BCAS3: variants seen among roughly 807,000 people sequenced by gnomAD.
The protein encoded by BCAS3 is BCAS3 microtubule associated cell migration factor.
BCAS3 carries 53 observed loss-of-function variants against 116.1 expected under a neutral mutation model. That is an observed-to-expected ratio of 0.46 (90% CI 0.37 to 0.57). The LOEUF is 0.57. Ranked by LOEUF, BCAS3 falls within the 20% of genes least tolerant of loss-of-function variation. The pLI is 0.00. For synonymous variants in BCAS3, 391 were observed against 408.2 expected (o/e 0.96, Z 0.51); for missense variants, 917 against 1,165.4 (o/e 0.79, Z 3.10).
chr17:60,890,224 C>A (rs966757803), intron 10 of BCAS3, among the ~76,000 whole-genome samples: 8 of 152,238 alleles, frequency 5.3e-5, no homozygotes, highest in Admixed American at 2.6e-4. Context: ...GAGGCTGAGG[C>A]AGGTGGATCA....
In BCAS3 at chr17:60,713,633, A is replaced by G. The variant is rs1416722835; in HGVS notation, c.321+4308A>G. ...ACAATGCAGTATAACAATTATTTAC[A>G]TAGCATTTACATTGTACTAGGTATT... On this transcript the variant is annotated intron_variant, in intron 5 of 23. Coordinates refer to ENST00000407086, the MANE Select transcript of BCAS3 (RefSeq NM_017679.5). Among the ~76,000 whole-genome samples, 5 of 152,208 alleles carry G rather than the reference A, an allele frequency of 3.3e-5. No individual in the cohort carries two copies. In the South Asian group the frequency reaches 8.3e-4, roughly 25 times the overall value.
chr17:60,777,031 A>AC (rs1491071030), intron 6 of BCAS3, among the ~76,000 whole-genome samples: 1 of 151,058 alleles, frequency 6.6e-6, no homozygotes, highest in Non-Finnish European at 1.5e-5. Flanking sequence ...AAAAAAAAAA[A>AC]ACAAATGAAG....
chr17:61,215,730 C>T lies in BCAS3; in HGVS notation c.2425+131166C>T, dbSNP rs1370366661. On this transcript the variant is annotated intron_variant, in intron 22 of 23. Transcript: ENST00000407086. This position sits in a 1 kb window ranked among gnomAD's most constrained non-coding sequence, Gnocchi z 4.8. ...AACCCCTCAGTTCTTGATATCCAGG[C>T]TCCATTAAATGTGAACACTAACGTC... Among the ~76,000 whole-genome samples the T allele has an allele frequency of 1.3e-5, 2 of 152,208 alleles. No individual in the cohort carries two copies. Among genetic ancestry groups the T allele is most frequent in the African/African-American group, 4.8e-5 (2 of 41,460 alleles).
In BCAS3 at chr17:61,198,403, G is replaced by A. The variant is rs2080625747; in HGVS notation, c.2425+113839G>A. On this transcript the variant is annotated intron_variant, in intron 22 of 23. Coordinates refer to ENST00000407086, the MANE Select transcript of BCAS3 (RefSeq NM_017679.5). The surrounding 1 kb of genome is among the most constrained non-coding windows in gnomAD (Gnocchi z 5.0). ...GATCCACCCGCCTCGGACTCCCAAA[G>A]TGCTGGGATTACAGGCCTGAGCCAC... 6.6e-6 allele frequency among the ~76,000 whole-genome samples: 1 copy of A among 152,152 alleles called. No homozygotes were observed. Among genetic ancestry groups the A allele is most frequent in the Non-Finnish European group, 1.5e-5 (1 of 68,038 alleles).
At position 60,902,652 on chromosome 17, in the gene BCAS3, C is replaced by T. The variant is rs751415399; in HGVS notation, c.771C>T (p.Ala257=). 4 of 1,613,090 alleles carry T rather than the reference C, an allele frequency of 2.5e-6. No homozygotes were observed. Among genetic ancestry groups the T allele is most frequent in the Admixed American group, 1.7e-5 (1 of 59,998 alleles). ...GATGTCATCAGTCCCGTGGTGGAGC[C>T]TGTGGAGACAACATTCAGTCTTATA... ...LIRCHQSRGG[A]CGDNIQSYTA... The change falls in exon 11 of 24, where the codon GCC becomes GCT. Residue 257 remains alanine, a synonymous_variant. Coordinates refer to ENST00000407086, the MANE Select transcript of BCAS3 (RefSeq NM_017679.5).
intron 14 of BCAS3, among the ~76,000 whole-genome samples, chr17:60,963,694 C>T (rs1362779217): frequency 6.6e-6 from 1 of 151,638 alleles, no homozygotes; most frequent in Non-Finnish European, 1.5e-5. Context: ...TAGCTGGGAC[C>T]ACAGGCGCCT....
At chr17:60,783,145 T>G (rs2045974846) in intron 6 of BCAS3, among the ~76,000 whole-genome samples, 1 of 152,208 alleles carries the variant, frequency 6.6e-6, no homozygotes, top group Admixed American at 6.5e-5. Context: ...CTATGGACTT[T>G]GGGTGATGAT....
At chr17:61,048,186 G>C (rs2143158332) in intron 19 of BCAS3, among the ~76,000 whole-genome samples, 1 of 152,054 alleles carries the variant, frequency 6.6e-6, no homozygotes, top group East Asian at 1.9e-4. Flanking sequence ...TGTTCTCTCA[G>C]TTTCATTGAC....
intron 22 of BCAS3, among the ~76,000 whole-genome samples, chr17:61,345,950 C>T (rs536470785): frequency 6.6e-5 from 10 of 152,252 alleles, no homozygotes; most frequent in African/African-American, 2.2e-4. Flanking sequence ...CAATTGTAGA[C>T]GATGAGTGAG....
At chr17:61,370,398 GT>G (rs113402346) in intron 23 of BCAS3, among the ~76,000 whole-genome samples, 18,488 of 148,796 alleles carry the variant, frequency 0.12, 3,581 homozygotes, top group African/African-American at 0.41. Context: ...TTCTTTTTTT[GT>G]TTTTTTTTAA....
At position 61,356,756 on chromosome 17, in the gene BCAS3, G is replaced by T. The variant is rs933929585; in HGVS notation, c.2426-11571G>T. On this transcript the variant is annotated intron_variant, in intron 22 of 23. Transcript: ENST00000407086. This position sits in a 1 kb window ranked among gnomAD's most constrained non-coding sequence, Gnocchi z 5.4. ...CTTTCTGATCTGATGTATGAAATTT[G>T]TACAGAGGTGGAATCGTTTCTGCCA... 6.6e-6 allele frequency: 1 copy of T among 152,348 alleles called. No homozygotes were observed. Among genetic ancestry groups the T allele is most frequent in the Non-Finnish European group, 1.5e-5 (1 of 68,030 alleles). The allele number at this position is 152,348 out of a possible 1,614,324, so 9.4% of individuals were successfully genotyped here. A position where few individuals can be genotyped will look rare whatever the true frequency, so the allele number is the denominator to read the frequency against.
chr17:60,683,505 CTTTTTTTTTTTTTTTTTTTTTTTTTTTT>C (rs138663451), intron 2 of BCAS3, among the ~76,000 whole-genome samples: 1 of 44,490 alleles, frequency 2.2e-5, no homozygotes, highest in East Asian at 6.8e-4. Flanking sequence ...AAGAGTTAGC[CTTTTTTTTTTTTTTTTTTTTTTTTTTTT>C]TTTTTTTTTT....
At chr17:61,027,335 T>C (rs549130308) in intron 16 of BCAS3, 145 of 447,530 alleles carry the variant, frequency 3.2e-4, no homozygotes, top group Non-Finnish European at 4.9e-4. Context: ...TATAAAGTTT[T>C]TGTTGCATTT....
At chr17:60,829,480 C>A (rs1473085666) in intron 7 of BCAS3, among the ~76,000 whole-genome samples, 2 of 137,030 alleles carry the variant, frequency 1.5e-5, no homozygotes, top group Non-Finnish European at 3.0e-5. Flanking sequence ...GACAATAGAG[C>A]AAGACTGTGT....
intron 14 of BCAS3, among the ~76,000 whole-genome samples, chr17:60,976,866 T>C (rs1275421879): frequency 2.6e-5 from 4 of 152,192 alleles, no homozygotes; most frequent in Non-Finnish European, 5.9e-5. Flanking sequence ...AACAATCTGA[T>C]CTCTCTTTCT....
chr17:60,752,695 T>C (rs1461231157), intron 6 of BCAS3, among the ~76,000 whole-genome samples: 1 of 151,064 alleles, frequency 6.6e-6, no homozygotes, highest in African/African-American at 2.4e-5. Flanking sequence ...ATTTCAATTT[T>C]GATGCATGCT....
rs2057672012 is a variant in BCAS3, at chr17:61,348,948, T to A, written c.2426-19379T>A. Among the ~76,000 whole-genome samples, 1 of 151,766 alleles carries A rather than the reference T, an allele frequency of 6.6e-6. No individual in the cohort carries two copies. On this transcript the variant is annotated intron_variant, in intron 22 of 23. Coordinates refer to ENST00000407086, the MANE Select transcript of BCAS3 (RefSeq NM_017679.5). This position sits in a 1 kb window ranked among gnomAD's most constrained non-coding sequence, Gnocchi z 4.5. ...TTTGTATTTTTGGTAGAGATGGGGT[T>A]TCACCGTGTTAGCCAGGATGGTCTT...
chr17:60,982,494 C>A (rs1184211235), intron 14 of BCAS3, among the ~76,000 whole-genome samples: 3 of 152,012 alleles, frequency 2.0e-5, no homozygotes, highest in Non-Finnish European at 4.4e-5. Flanking sequence ...TTTAAAGTAC[C>A]TTAAAAATAA....
At position 61,255,203 on chromosome 17, in the gene BCAS3, G is replaced by A. The variant is rs79790185; in HGVS notation, c.2426-113124G>A. Among the ~76,000 whole-genome samples the A allele has an allele frequency of 2.8e-3, 429 of 152,252 alleles. 2 individuals are homozygous for A. Among genetic ancestry groups the A allele is most frequent in the Non-Finnish European group, 5.0e-3 (339 of 68,020 alleles). On this transcript the variant is annotated intron_variant, in intron 22 of 23. Transcript: ENST00000407086. ...CAATTCTCCATCCACATCTCTATCCGAGAGTTAAGTTTTCTCTTCTCTGGT... is the reference window on the plus strand; with the variant it reads ...CAATTCTCCATCCACATCTCTATCCAAGAGTTAAGTTTTCTCTTCTCTGGT...
Sources: gnomAD v4.1 joint callset for allele counts (sites outside exome capture counted in the v4.1 genomes callset) on GRCh38, gnomAD v4.1.1 for gene constraint, Gnocchi (gnomAD v3.1) non-coding constraint, MANE v1.5 for transcripts, NCBI Gene and HGNC (gene_info 2026-07-23, HGNC 2026-07-21) for gene names.